TMEM263: variants seen among roughly 807,000 people sequenced by gnomAD.
The protein encoded by TMEM263 is transmembrane protein 263.
Under a neutral mutation model 8.6 loss-of-function variants are expected in TMEM263, and 5 were observed. That is an observed-to-expected ratio of 0.58 (90% CI 0.31 to 1.23). TMEM263 has a LOEUF of 1.23. TMEM263 is among the 50% of genes most tolerant of loss of function. TMEM263 has a pLI of 0.07. For missense variants in TMEM263, 104 were observed against 138.8 expected, an observed-to-expected ratio of 0.75 and a Z score of 1.26; for synonymous variants, 50 against 47.9, an observed-to-expected ratio of 1.04 and a Z score of -0.18.
In TMEM263 at chr12:106,958,122, T is replaced by G. The variant is rs148107871; in HGVS notation, c.-7+973T>G. On this transcript the variant is annotated intron_variant, in intron 2 of 3. Transcript: ENST00000280756. ...GCTAATTCATTTATAGTCGTCTTTT[T>G]CTATTATAGGGAAATTGGCACCTAC... 2.2e-4 allele frequency among the ~76,000 whole-genome samples: 33 copies of G among 152,314 alleles called. No homozygotes were observed. The East Asian group carries it at 5.8e-3, about 27-fold the overall frequency.
chr12:106,971,257 A>G lies in TMEM263; in HGVS notation c.217A>G (p.Thr73Ala), dbSNP rs1951917245. ...TCTGGAAGTGACCAAAACAGCTGTT[A>G]CAACTGTGCCTTCCATGGGAATAGG... The part of the protein sequence containing the change: ...KSLEVTKTAV[T>A]TVPSMGIGLV... Residue 73 changes from threonine to alanine, a missense_variant, in exon 4 of 4, where the codon ACA becomes GCA. By Grantham distance (58) the Thr-to-Ala change is moderately conservative (BLOSUM62 0). Coordinates refer to ENST00000280756, the MANE Select transcript of TMEM263 (RefSeq NM_152261.4). The G allele has an allele frequency of 6.2e-7, 1 of 1,614,084 alleles. No homozygotes were observed. The highest frequency in any genetic ancestry group is 8.5e-7 in the Non-Finnish European group (1 of 1,180,046).
chr12:106,969,544 G>C (rs1416723693), intron 3 of TMEM263, among the ~76,000 whole-genome samples: 4 of 151,990 alleles, frequency 2.6e-5, no homozygotes, highest in Non-Finnish European at 4.4e-5. Context: ...GACTAACACG[G>C]TGAAACCCTG....
chr12:106,959,817 A>G (rs10746071), intron 2 of TMEM263, among the ~76,000 whole-genome samples: 61,869 of 152,016 alleles, frequency 0.41, 12,990 homozygotes, highest in Admixed American at 0.5. Flanking sequence ...AAAAGTACAG[A>G]TGACACAGTT....
chr12:106,963,133 T>C (rs1231413401), intron 2 of TMEM263, among the ~76,000 whole-genome samples: 1 of 152,210 alleles, frequency 6.6e-6, no homozygotes, highest in East Asian at 1.9e-4. Flanking sequence ...AACAAGGAAC[T>C]CTGTGTTACT....
In TMEM263 at chr12:106,961,005, C is replaced by T. The variant is rs993910866; in HGVS notation, c.-7+3856C>T. ...TAAAGTATATGCGGATACTTCTCTT[C>T]GCTTCGCTTCTTTTCTCCTCTCTTC... On this transcript the variant is annotated intron_variant, in intron 2 of 3. Transcript: ENST00000280756. Among the ~76,000 whole-genome samples, 12 of 151,522 alleles carry T rather than the reference C, an allele frequency of 7.9e-5. No individual in the cohort carries two copies. In the South Asian group the frequency reaches 1.9e-3, roughly 24 times the overall value.
chr12:106,968,389 A>AG (rs1951873882), intron 3 of TMEM263, among the ~76,000 whole-genome samples: 1 of 151,824 alleles, frequency 6.6e-6, no homozygotes, highest in African/African-American at 2.4e-5. Flanking sequence ...AAAAAAAAAA[A>AG]GAACTAGCTG....
At chr12:106,956,981 G>C in intron 1 of TMEM263, 101 bp from the exon 2 acceptor site, 1 of 706,084 alleles carries the variant, frequency 1.4e-6, no homozygotes. Context: ...AGAGAAAAGG[G>C]AAGGGTTCTT....
chr12:106,964,500 A>G (rs1368807071), intron 2 of TMEM263, among the ~76,000 whole-genome samples: 1 of 152,214 alleles, frequency 6.6e-6, no homozygotes, highest in Non-Finnish European at 1.5e-5. Context: ...ATTAGGGCAC[A>G]TCCATCAAGA....
At chr12:106,958,691 A>G (rs183107351) in intron 2 of TMEM263, among the ~76,000 whole-genome samples, 55 of 152,364 alleles carry the variant, frequency 3.6e-4, no homozygotes, top group African/African-American at 1.2e-3. Flanking sequence ...GGTAGAACTG[A>G]TTTATGTCTG....
chr12:106,962,994 AATG>A (rs1357553301), intron 2 of TMEM263, among the ~76,000 whole-genome samples: 1 of 152,216 alleles, frequency 6.6e-6, no homozygotes, highest in Non-Finnish European at 1.5e-5. Flanking sequence ...ATTAGGTGAA[AATG>A]ATAAGAAGAG....
At chr12:106,967,775 G>A (rs2136773403) in intron 3 of TMEM263, among the ~76,000 whole-genome samples, 1 of 152,232 alleles carries the variant, frequency 6.6e-6, no homozygotes, top group South Asian at 2.1e-4. Flanking sequence ...TAAAGGGTGA[G>A]GATGGATACA....
intron 2 of TMEM263, among the ~76,000 whole-genome samples, chr12:106,962,095 A>G (rs1051385107): frequency 1.3e-5 from 2 of 152,190 alleles, no homozygotes; most frequent in African/African-American, 4.8e-5. Flanking sequence ...TTAACTATGC[A>G]TATTTCTATG....
chr12:106,963,182 G>A (rs1477187486), intron 2 of TMEM263, among the ~76,000 whole-genome samples: 2 of 152,132 alleles, frequency 1.3e-5, no homozygotes, highest in Admixed American at 1.3e-4. Context: ...TGGAGATGGC[G>A]GTTAAGTATT....
At chr12:106,969,168 G>C (rs891968682) in intron 3 of TMEM263, among the ~76,000 whole-genome samples, 3 of 152,096 alleles carry the variant, frequency 2.0e-5, no homozygotes, top group Non-Finnish European at 4.4e-5. Flanking sequence ...ATTATCTCAA[G>C]GTAAATTTGT....
chr12:106,964,876 T>A (rs1267718983), intron 2 of TMEM263, among the ~76,000 whole-genome samples: 1 of 152,208 alleles, frequency 6.6e-6, no homozygotes, highest in Non-Finnish European at 1.5e-5. Context: ...GCCACCAACA[T>A]TTTTTGGCCT....
chr12:106,960,309 A>G (rs1362538403), intron 2 of TMEM263, among the ~76,000 whole-genome samples: 2 of 151,748 alleles, frequency 1.3e-5, no homozygotes, highest in Non-Finnish European at 2.9e-5. Flanking sequence ...TGGTGGGATT[A>G]CAGGTGTGAG....
chr12:106,958,386 C>T (rs1951728507), intron 2 of TMEM263, among the ~76,000 whole-genome samples: 1 of 152,030 alleles, frequency 6.6e-6, no homozygotes, highest in African/African-American at 2.4e-5. Flanking sequence ...ACACGTTTCC[C>T]AAGAGGTGTT....
At chr12:106,968,290 G>C (rs1951871375) in intron 3 of TMEM263, among the ~76,000 whole-genome samples, 1 of 151,360 alleles carries the variant, frequency 6.6e-6, no homozygotes, top group Non-Finnish European at 1.5e-5. Flanking sequence ...AAGCCATAAA[G>C]AATTCAAAAG....
Position 106,967,093 on chromosome 12 carries a change from T to G in TMEM263, c.-6-18T>G, listed in dbSNP as rs200344809. The G allele has an allele frequency of 5.5e-5, 84 of 1,524,400 alleles. No homozygotes were observed. The African/African-American group carries it at 1.1e-3, about 19-fold the overall frequency. 94.4% of individuals were successfully genotyped at this position (1,524,400 alleles called of 1,614,324 possible). A position where few individuals can be genotyped will look rare whatever the true frequency, so the allele number is the denominator to read the frequency against. On this transcript the variant is annotated intron_variant, in intron 2 of 3. Transcript: ENST00000280756. Reference sequence around the variant, plus strand: ...TGTTGAGGTTAAAATGAAATGTGTTTGTATGTTTTTTTTTTAGGAGATCAT... The same window carrying G: ...TGTTGAGGTTAAAATGAAATGTGTTGGTATGTTTTTTTTTTAGGAGATCAT...
Sources: gnomAD v4.1 joint callset for allele counts (sites outside exome capture counted in the v4.1 genomes callset) on GRCh38, gnomAD v4.1.1 for gene constraint, MANE v1.5 for transcripts, NCBI Gene and HGNC (gene_info 2026-07-23, HGNC 2026-07-21) for gene names.